The following INTS6L variants were observed in gnomAD, a reference collection of about 807,000 sequenced individuals.
INTS6L encodes the protein integrator complex subunit 6-like.
INTS6L carries 18 observed loss-of-function variants against 64.7 expected under a neutral mutation model. That is an observed-to-expected ratio of 0.28 (90% CI 0.19 to 0.41). The LOEUF is 0.41. Ranked by LOEUF, INTS6L falls within the 10% of genes least tolerant of loss-of-function variation. The probability of loss-of-function intolerance (pLI) is 1.00; values close to 1 mark genes in which losing one functional copy is unlikely to be tolerated. For missense variants in INTS6L, 533 were observed against 661.0 expected, an observed-to-expected ratio of 0.81 and a Z score of 2.12; for synonymous variants, 227 against 235.9, an observed-to-expected ratio of 0.96 and a Z score of 0.34.
chrX:135,538,047 G>C (rs2148592046), intron 2 of INTS6L, among the ~76,000 whole-genome samples: 1 of 112,588 alleles, frequency 8.9e-6, no homozygotes, highest in South Asian at 3.6e-4. Context: ...GGCAGTTGTT[G>C]CTGAAGGATG....
intron 9 of INTS6L, among the ~76,000 whole-genome samples, chrX:135,557,545 T>A: frequency 9.0e-6 from 1 of 111,427 alleles, no homozygotes; most frequent in Admixed American, 9.5e-5. Context: ...AGTTTCCTCC[T>A]GCCCTGGTAA....
intron 6 of INTS6L, among the ~76,000 whole-genome samples, chrX:135,549,372 C>T (rs1384496903): frequency 9.0e-6 from 1 of 111,730 alleles, no homozygotes; most frequent in East Asian, 2.8e-4. Context: ...CTAGTTTTAC[C>T]ATAGTTTTCT....
At chrX:135,540,748 CCCT>C (rs1556512235) in intron 2 of INTS6L, among the ~76,000 whole-genome samples, 1 of 106,147 alleles carries the variant, frequency 9.4e-6, no homozygotes, top group Non-Finnish European at 1.9e-5. Flanking sequence ...CTCTTCCTCC[CCCT>C]CCTCCTCCCA....
intron 14 of INTS6L, among the ~76,000 whole-genome samples, chrX:135,576,327 C>A (rs374705575): frequency 3.4e-3 from 234 of 69,228 alleles, no homozygotes; most frequent in Non-Finnish European, 4.1e-3. Flanking sequence ...GACTCCATCT[C>A]AAAAAAAAAA....
At chrX:135,580,205 TTC>T (rs1264493083) in intron 16 of INTS6L, 43 bp downstream of exon 16, 1 of 1,143,497 alleles carries the variant, frequency 8.7e-7, no homozygotes, top group East Asian at 3.0e-5. Context: ...ACCAGGAGGT[TTC>T]TCTCATTCTG....
chrX:135,554,883 C>CTT (rs35845600), intron 8 of INTS6L, among the ~76,000 whole-genome samples: 1,935 of 50,440 alleles, frequency 0.038, 512 homozygotes, highest in African/African-American at 0.15. Context: ...ACCAGCATAA[C>CTT]TTTTTTTTTT....
At chrX:135,533,111 CT>C (rs2085953150) in intron 2 of INTS6L, among the ~76,000 whole-genome samples, 1 of 111,673 alleles carries the variant, frequency 9.0e-6, no homozygotes, top group South Asian at 3.7e-4. Context: ...AAAAAAACAA[CT>C]TTTAAATTTT....
At chrX:135,545,278 C>A in intron 2 of INTS6L, 145 bp from the exon 3 acceptor site, 1 of 758,932 alleles carries the variant, frequency 1.3e-6, no homozygotes, top group Non-Finnish European at 1.9e-6. Flanking sequence ...TGCTTTAGTT[C>A]TACCTGATCA....
intron 8 of INTS6L, 99 bp downstream of exon 8, chrX:135,552,245 G>T: frequency 1.1e-6 from 1 of 936,205 alleles, no homozygotes; most frequent in South Asian, 3.4e-5. Flanking sequence ...TAATTGGACT[G>T]ACTGTGCTAA....
At chrX:135,551,429 C>T (rs1556516948) in intron 7 of INTS6L, among the ~76,000 whole-genome samples, 1 of 112,522 alleles carries the variant, frequency 8.9e-6, no homozygotes. Context: ...TTGGTGTTAG[C>T]AATGCTGCAA....
At position 135,521,300 on chromosome X, in the gene INTS6L, A is replaced by AC; in HGVS notation, c.176dup (p.Tyr60ValfsTer38). 1 of 1,203,982 alleles carries AC rather than the reference A, an allele frequency of 8.3e-7. No homozygotes were observed. The highest frequency in any genetic ancestry group is 1.1e-6 in the Non-Finnish European group (1 of 892,002). On this transcript the variant is annotated frameshift_variant, in exon 2 of 18. Transcript: ENST00000639893. LOFTEE classifies it high-confidence loss of function. ...GGTACATGCTGGTCACCTACGACGA[A>AC]CCCCCGTACTGCATCAAGGTAAAGG... is the stretch of plus-strand genomic sequence containing the variant.
intron 9 of INTS6L, among the ~76,000 whole-genome samples, chrX:135,561,869 T>C (rs782728642): frequency 8.9e-6 from 1 of 111,803 alleles, no homozygotes; most frequent in African/African-American, 3.2e-5. Flanking sequence ...ACAGAGTCTT[T>C]AGTGATATCA....
At chrX:135,578,169 T>A (rs190065444) in intron 15 of INTS6L, among the ~76,000 whole-genome samples, 173 of 112,041 alleles carry the variant, frequency 1.5e-3, no homozygotes, top group African/African-American at 5.4e-3. Flanking sequence ...CACTGCGTTC[T>A]CTTCCTAGGT....
At chrX:135,546,276 AAATTTT>A in intron 3 of INTS6L, 98 bp from the exon 4 acceptor site, 1 of 498,382 alleles carries the variant, frequency 2.0e-6, no homozygotes, top group South Asian at 7.7e-5. Context: ...TTATCCAGAC[AAATTTT>A]ATCATATTCT....
chrX:135,567,861 A>G (rs2086993314), intron 9 of INTS6L, among the ~76,000 whole-genome samples: 1 of 112,363 alleles, frequency 8.9e-6, no homozygotes, highest in African/African-American at 3.2e-5. Context: ...TTGTTTCAGC[A>G]GGAGTGAATA....
chrX:135,546,570 T>C (rs2086362371), intron 4 of INTS6L, 101 bp downstream of exon 4: 1 of 991,096 alleles, frequency 1.0e-6, no homozygotes, highest in African/African-American at 2.0e-5. Flanking sequence ...GGTCAAATCA[T>C]CCATCTTGGT....
intron 2 of INTS6L, among the ~76,000 whole-genome samples, chrX:135,534,429 C>G (rs1212984476): frequency 1.8e-5 from 2 of 110,326 alleles, no homozygotes; most frequent in Non-Finnish European, 3.8e-5. Flanking sequence ...TTCTTAATAT[C>G]TTTGTTAAAA....
rs148208927 is a variant in INTS6L at position 135,559,749 on chromosome X, T to G, written c.1192+3449T>G. On this transcript the variant is annotated intron_variant, in intron 9 of 17. Coordinates refer to ENST00000639893, the MANE Select transcript of INTS6L (RefSeq NM_001351601.3). Reference sequence around the variant, plus strand: ...CCAGAGTAGCTATACTATTTTACATTCCCACTATTAGTGTATGAGTGAATC... The same window carrying G: ...CCAGAGTAGCTATACTATTTTACATGCCCACTATTAGTGTATGAGTGAATC... Among the ~76,000 whole-genome samples the G allele has an allele frequency of 7.1e-3, 799 of 112,630 alleles. 1 individual carries two copies. Among genetic ancestry groups the G allele is most frequent in the Non-Finnish European group, 0.011 (607 of 53,299 alleles).
intron 8 of INTS6L, 151 bp from the exon 9 acceptor site, chrX:135,556,016 AT>A: frequency 1.9e-6 from 1 of 534,419 alleles, no homozygotes; most frequent in Non-Finnish European, 2.8e-6. Context: ...AGTATAATAT[AT>A]TTTGACATAA....
Sources: gnomAD v4.1 joint callset for allele counts (sites outside exome capture counted in the v4.1 genomes callset) on GRCh38, gnomAD v4.1.1 for gene constraint, MANE v1.5 for transcripts, NCBI Gene and HGNC (gene_info 2026-07-23, HGNC 2026-07-21) for gene names.